The following PTPN4 variants were observed in gnomAD, a reference collection of about 807,000 sequenced individuals.
PTPN4 encodes tyrosine-protein phosphatase non-receptor type 4.
In PTPN4, 49 loss-of-function variants were observed where a neutral mutation model predicts 135.5. The observed-to-expected ratio is 0.36, with a 90% CI of 0.29 to 0.46. The LOEUF is 0.46. Among genes scored for constraint, PTPN4 ranks in the 20% least tolerant of loss-of-function variants. The pLI is 1.00. For synonymous variants in PTPN4, 333 were observed against 369.9 expected (o/e 0.90, Z 1.14); for missense variants, 860 against 1,101.0 (o/e 0.78, Z 3.10).
At chr2:119,836,434 A>G (rs1677294289) in intron 2 of PTPN4, among the ~76,000 whole-genome samples, 1 of 152,256 alleles carries the variant, frequency 6.6e-6, no homozygotes, top group Non-Finnish European at 1.5e-5. Flanking sequence ...TAGCCAAATA[A>G]GAACTCAGCC....
intron 2 of PTPN4, among the ~76,000 whole-genome samples, chr2:119,811,749 A>G (rs1371834785): frequency 1.3e-5 from 2 of 152,108 alleles, no homozygotes; most frequent in African/African-American, 4.8e-5. Flanking sequence ...TATTGTAAAA[A>G]GGTTTGGTAT....
intron 22 of PTPN4, among the ~76,000 whole-genome samples, chr2:119,958,348 A>G (rs924808690): frequency 6.6e-6 from 1 of 151,774 alleles, no homozygotes; most frequent in Non-Finnish European, 1.5e-5. Context: ...AAAAAGAACA[A>G]TGAAAATAAT....
chr2:119,914,830 A>G (rs1574402192), intron 10 of PTPN4, among the ~76,000 whole-genome samples: 1 of 152,180 alleles, frequency 6.6e-6, no homozygotes, highest in East Asian at 1.9e-4. Flanking sequence ...TTAAAATTAA[A>G]AGTGTTTTTA....
chr2:119,966,883 AGACAGTTGT>A (rs994252419), intron 25 of PTPN4, among the ~76,000 whole-genome samples: 1 of 152,234 alleles, frequency 6.6e-6, no homozygotes, highest in African/African-American at 2.4e-5. Flanking sequence ...AGAGATTAGG[AGACAGTTGT>A]TCCTCCCTAT....
chr2:119,976,661 A>G (rs1352680206), intron 26 of PTPN4, among the ~76,000 whole-genome samples: 1 of 151,880 alleles, frequency 6.6e-6, no homozygotes, highest in Non-Finnish European at 1.5e-5. Context: ...TATTTTTTGG[A>G]TAGATTCTTA....
intron 1 of PTPN4, among the ~76,000 whole-genome samples, chr2:119,783,622 C>CT (rs1362389560): frequency 6.6e-6 from 1 of 152,180 alleles, no homozygotes; most frequent in African/African-American, 2.4e-5. Flanking sequence ...TGGTGGAAAT[C>CT]TTTGAGATTA....
At chr2:119,847,328 A>ATATATAT (rs1257711116) in intron 2 of PTPN4, among the ~76,000 whole-genome samples, 1,647 of 102,256 alleles carry the variant, frequency 0.016, 26 homozygotes, top group Non-Finnish European at 0.024. Flanking sequence ...ATATATATAT[A>ATATATAT]TTTTTTTTTT....
At chr2:119,775,796 A>G (rs1690823920) in intron 1 of PTPN4, among the ~76,000 whole-genome samples, 1 of 137,304 alleles carries the variant, frequency 7.3e-6, no homozygotes, top group Non-Finnish European at 1.6e-5. Flanking sequence ...CATAAAAGAG[A>G]TTGTGGATAT....
At position 119,979,579 on chromosome 2, in the gene PTPN4, GA is replaced by G. The variant is rs1679662955; in HGVS notation, c.*2510del. The G allele has an allele frequency of 6.6e-6, 1 of 152,024 alleles. No homozygotes were observed. The highest frequency in any genetic ancestry group is 2.1e-4 in the South Asian group (1 of 4,826). 9.4% of individuals were successfully genotyped at this position (152,024 alleles called of 1,614,324 possible). ...ACTTCTTAAAATGAATATGCTAATA[GA>G]TAAGACTTTATCCATTACATCTAAG... On this transcript the variant is annotated 3_prime_UTR_variant, in exon 27 of 27. Transcript: ENST00000263708.
rs191236877 is a variant in PTPN4, at chr2:119,934,917, G to A, written c.1314G>A (p.Pro438=). The change falls in exon 15 of 27, where the codon CCG becomes CCA. Residue 438 remains proline (P), a synonymous_variant. Transcript: ENST00000263708. The part of the protein sequence containing the change: ...PSEVFVNQRS[P]SSTQANSIVL... ...AAGTGTTTGTAAATCAGAGATCTCCGTCATCAACACAAGCTAATAGCATTG... is the reference window on the plus strand; with the variant it reads ...AAGTGTTTGTAAATCAGAGATCTCCATCATCAACACAAGCTAATAGCATTG... 3.6e-5 allele frequency: 58 copies of A among 1,613,818 alleles called. No individual in the cohort carries two copies. Among genetic ancestry groups the A allele is most frequent in the East Asian group, 2.7e-4 (12 of 44,868 alleles).
rs187307176 is a variant in PTPN4 at position 119,824,066 on chromosome 2, T to C, written c.138+14075T>C. 3.9e-5 allele frequency among the ~76,000 whole-genome samples: 6 copies of C among 152,350 alleles called. No individual in the cohort carries two copies. The East Asian group carries it at 9.6e-4, about 24-fold the overall frequency. On this transcript the variant is annotated intron_variant, in intron 2 of 26. Coordinates refer to ENST00000263708, the MANE Select transcript of PTPN4 (RefSeq NM_002830.4). Reference sequence around the variant, plus strand: ...ACTTCCTGTTTCCCCCAGGCATTATTTATATGTATGTCGTTTAGTTTTCAA... The same window carrying C: ...ACTTCCTGTTTCCCCCAGGCATTATCTATATGTATGTCGTTTAGTTTTCAA...
chr2:119,766,318 A>G (rs1308496547), intron 1 of PTPN4, among the ~76,000 whole-genome samples: 1 of 152,248 alleles, frequency 6.6e-6, no homozygotes, highest in Non-Finnish European at 1.5e-5. Context: ...GGAATCAGAA[A>G]TAAATATCAA....
intron 12 of PTPN4, among the ~76,000 whole-genome samples, chr2:119,923,773 G>A (rs973941676): frequency 3.3e-5 from 5 of 151,968 alleles, no homozygotes; most frequent in African/African-American, 4.8e-5. Flanking sequence ...CTTGACAACC[G>A]TGAGAATTAT....
At chr2:119,780,429 A>AC (rs904720272) in intron 1 of PTPN4, among the ~76,000 whole-genome samples, 1 of 151,632 alleles carries the variant, frequency 6.6e-6, no homozygotes, top group Non-Finnish European at 1.5e-5. Context: ...TTCTACCCTA[A>AC]CCCCCCGCCA....
chr2:119,915,149 A>G, intron 10 of PTPN4, 30 bp from the exon 11 acceptor site: 1 of 1,452,750 alleles, frequency 6.9e-7, no homozygotes, highest in Non-Finnish European at 9.3e-7. Flanking sequence ...ATTATTCAAT[A>G]CTTTGAATAA....
intron 10 of PTPN4, among the ~76,000 whole-genome samples, chr2:119,906,963 G>A (rs946793128): frequency 6.6e-6 from 1 of 152,170 alleles, no homozygotes; most frequent in Non-Finnish European, 1.5e-5. Context: ...ATTCCGTTAA[G>A]TTGCAGGGAA....
intron 9 of PTPN4, among the ~76,000 whole-genome samples, chr2:119,892,543 G>C (rs750565137): frequency 6.6e-6 from 1 of 152,168 alleles, no homozygotes; most frequent in Non-Finnish European, 1.5e-5. Flanking sequence ...AAAGAGCCAT[G>C]CAAACATCTG....
intron 13 of PTPN4, among the ~76,000 whole-genome samples, chr2:119,928,056 A>G (rs933922724): frequency 6.6e-6 from 1 of 151,968 alleles, no homozygotes; most frequent in African/African-American, 2.4e-5. Context: ...ATTATTCAGG[A>G]TTTTTCTATG....
chr2:119,899,024 T>C (rs907704095), intron 9 of PTPN4, among the ~76,000 whole-genome samples: 6 of 152,190 alleles, frequency 3.9e-5, no homozygotes, highest in Non-Finnish European at 8.8e-5. Flanking sequence ...TTCACTTGGT[T>C]GCGAATGCTG....
Sources: allele counts gnomAD v4.1 joint callset (sites outside exome capture counted in the v4.1 genomes callset), GRCh38; gene constraint gnomAD v4.1.1; transcripts MANE v1.5; gene names NCBI Gene and HGNC (gene_info 2026-07-23, HGNC 2026-07-21).